ANO10: variants seen among roughly 807,000 people sequenced by gnomAD.
The protein encoded by ANO10 is anoctamin-10.
ANO10 carries 77 observed loss-of-function variants against 74.7 expected under a neutral mutation model. The observed-to-expected ratio is 1.03, with a 90% CI of 0.86 to 1.25. The LOEUF is 1.25. Among genes scored for constraint, ANO10 ranks in the 50% most tolerant of loss-of-function variants. The probability of loss-of-function intolerance (pLI) is 0.00; values close to 1 mark genes in which losing one functional copy is unlikely to be tolerated. For missense variants in ANO10, 721 were observed against 778.1 expected, an observed-to-expected ratio of 0.93 and a Z score of 0.87; for synonymous variants, 279 against 284.9, an observed-to-expected ratio of 0.98 and a Z score of 0.21.
At chr3:43,615,474 A>G (rs1355606541) in intron 1 of ANO10, among the ~76,000 whole-genome samples, 1 of 151,902 alleles carries the variant, frequency 6.6e-6, no homozygotes, top group Non-Finnish European at 1.5e-5. Context: ...GATAATTTTT[A>G]TTTTATTATT....
chr3:43,497,633 C>T lies in ANO10; in HGVS notation c.1797+52087G>A, dbSNP rs986261286. On this transcript the variant is annotated intron_variant, in intron 11 of 12. Coordinates refer to ENST00000292246, the MANE Select transcript of ANO10 (RefSeq NM_018075.5). ...TTCCTAAGACAGACATCCTGAGGAG[C>T]CTAAGTCCCTGGAGTGAGGGAAGGG... 5.3e-5 allele frequency among the ~76,000 whole-genome samples: 8 copies of T among 152,092 alleles called. No homozygotes were observed. In the East Asian group the frequency reaches 1.5e-3, roughly 29 times the overall value.
intron 1 of ANO10, among the ~76,000 whole-genome samples, chr3:43,631,078 A>G (rs1444137389): frequency 6.6e-6 from 1 of 152,174 alleles, no homozygotes; most frequent in Non-Finnish European, 1.5e-5. Flanking sequence ...CAAGCCAAAA[A>G]CTAGGCAGCT....
intron 1 of ANO10, among the ~76,000 whole-genome samples, chr3:43,651,564 G>A (rs1205031966): frequency 6.6e-6 from 1 of 152,156 alleles, no homozygotes; most frequent in African/African-American, 2.4e-5. Context: ...TGGCAGTCCT[G>A]GCAAAATCAT....
chr3:43,596,414 A>G (rs146283262), intron 4 of ANO10, among the ~76,000 whole-genome samples: 2,858 of 151,836 alleles, frequency 0.019, 79 homozygotes, highest in African/African-American at 0.064. Flanking sequence ...CCAAAACAGA[A>G]ATATAGACCA....
At chr3:43,449,908 C>A (rs965290982) in intron 11 of ANO10, among the ~76,000 whole-genome samples, 4 of 152,182 alleles carry the variant, frequency 2.6e-5, no homozygotes, top group African/African-American at 9.7e-5. Flanking sequence ...ATCCTCCCAT[C>A]CATAAACATG....
At chr3:43,410,575 G>C (rs2092648971) in intron 12 of ANO10, among the ~76,000 whole-genome samples, 1 of 152,094 alleles carries the variant, frequency 6.6e-6, no homozygotes, top group Non-Finnish European at 1.5e-5. Flanking sequence ...ACAAAATTAT[G>C]AGTTTTCTGT....
rs201275096 is a variant in ANO10, at chr3:43,600,485, A to C, written c.236T>G (p.Met79Arg). The change falls in exon 3 of 13, where the codon ATG becomes AGG. Residue 79 changes from methionine to arginine, a missense_variant. Physicochemically the swap from Met to Arg is moderately conservative, Grantham distance 91. Coordinates refer to ENST00000292246, the MANE Select transcript of ANO10 (RefSeq NM_018075.5). ...LYLVGASKIR[M>R]LLGAEAVGLV... ...TCCCACTGCTTCTGCCCCTAGTAACATTCTAATCTTGGAGGCACCAACAAG... is the reference window on the plus strand; with the variant it reads ...TCCCACTGCTTCTGCCCCTAGTAACCTTCTAATCTTGGAGGCACCAACAAG... 364 of 1,614,012 alleles carry C rather than the reference A, an allele frequency of 2.3e-4. No homozygotes were observed. Among genetic ancestry groups the C allele is most frequent in the Non-Finnish European group, 2.7e-4 (314 of 1,180,012 alleles).
chr3:43,646,498 T>C (rs2083728009), intron 1 of ANO10, among the ~76,000 whole-genome samples: 2 of 152,108 alleles, frequency 1.3e-5, no homozygotes, highest in South Asian at 4.1e-4. Context: ...GACAGAGCCA[T>C]GGTTATGGTC....
At chr3:43,410,234 C>G (rs1339909084) in intron 12 of ANO10, among the ~76,000 whole-genome samples, 4 of 151,906 alleles carry the variant, frequency 2.6e-5, no homozygotes, top group Non-Finnish European at 5.9e-5. Context: ...CAAAGATTTT[C>G]TCTATGTGAT....
chr3:43,389,845 G>A (rs530157642), intron 12 of ANO10, among the ~76,000 whole-genome samples: 4 of 152,302 alleles, frequency 2.6e-5, no homozygotes, highest in African/African-American at 4.8e-5. Context: ...ACTCCTATGC[G>A]TGTTCCGGGC....
chr3:43,586,606 G>GA (rs1381152188), intron 4 of ANO10, among the ~76,000 whole-genome samples: 2 of 151,598 alleles, frequency 1.3e-5, no homozygotes, highest in Admixed American at 6.6e-5. Context: ...ATACTGCCTG[G>GA]AAAAAAGGGA....
rs2082626097 is a variant in ANO10 at position 43,607,637 on chromosome 3, G to C, written c.-11-1774C>G. 2.0e-5 allele frequency among the ~76,000 whole-genome samples: 3 copies of C among 152,152 alleles called. No individual in the cohort carries two copies. The South Asian group carries it at 6.2e-4, about 31-fold the overall frequency. Reference sequence around the variant, plus strand: ...CCGATAGGAACTAAATTCTAGGTTTGCATCATCTCAATCAGGAGAAAAGTT... The same window carrying C: ...CCGATAGGAACTAAATTCTAGGTTTCCATCATCTCAATCAGGAGAAAAGTT... On this transcript the variant is annotated intron_variant, in intron 1 of 12. Coordinates refer to ENST00000292246, the MANE Select transcript of ANO10 (RefSeq NM_018075.5).
intron 12 of ANO10, among the ~76,000 whole-genome samples, chr3:43,389,402 TA>T (rs1164138688): frequency 2.0e-5 from 3 of 152,204 alleles, no homozygotes; most frequent in Non-Finnish European, 2.9e-5. Flanking sequence ...GGACATGAAA[TA>T]AATGTTTTAG....
chr3:43,673,854 C>T (rs2084089305), intron 1 of ANO10, among the ~76,000 whole-genome samples: 1 of 152,064 alleles, frequency 6.6e-6, no homozygotes, highest in East Asian at 1.9e-4. Context: ...CTGGGCTCTT[C>T]CTTTACTCTT....
At chr3:43,664,350 C>G (rs955238001) in intron 1 of ANO10, among the ~76,000 whole-genome samples, 4 of 152,064 alleles carry the variant, frequency 2.6e-5, no homozygotes, top group African/African-American at 9.7e-5. Context: ...GAAACTGGAC[C>G]CCTTCCTTAC....
chr3:43,394,950 G>T (rs1006922020), intron 12 of ANO10, among the ~76,000 whole-genome samples: 11 of 152,102 alleles, frequency 7.2e-5, no homozygotes, highest in African/African-American at 2.4e-4. Context: ...CTCTTATGTG[G>T]CTTTTCGTAA....
chr3:43,574,626 T>C (rs542893491), intron 7 of ANO10, among the ~76,000 whole-genome samples, 183 bp downstream of exon 7: 3 of 152,302 alleles, frequency 2.0e-5, no homozygotes, highest in Admixed American at 6.5e-5. Context: ...TTACATCACA[T>C]GCACATTTGT....
chr3:43,662,812 G>A (rs1486765007), intron 1 of ANO10, among the ~76,000 whole-genome samples: 3 of 152,100 alleles, frequency 2.0e-5, no homozygotes, highest in Non-Finnish European at 2.9e-5. Context: ...TAAATTTCTC[G>A]ACACATACAC....
intron 1 of ANO10, among the ~76,000 whole-genome samples, chr3:43,617,061 G>A (rs546641385): frequency 2.0e-5 from 3 of 150,856 alleles, no homozygotes; most frequent in Admixed American, 6.6e-5. Flanking sequence ...GGTGTAAAGC[G>A]GTGGAAACAA....
Sources: allele counts gnomAD v4.1 joint callset (sites outside exome capture counted in the v4.1 genomes callset), GRCh38; gene constraint gnomAD v4.1.1; transcripts MANE v1.5; gene names NCBI Gene and HGNC (gene_info 2026-07-23, HGNC 2026-07-21).